ZNF112: variants seen among roughly 807,000 people sequenced by gnomAD.
ZNF112 encodes the protein zinc finger protein 112 (Y14).
A neutral mutation model predicts 77.7 loss-of-function variants in ZNF112; 37 were observed. The ratio of observed to expected loss-of-function variants is 0.48; its 90% CI spans 0.37 to 0.63. ZNF112 has a LOEUF of 0.63. Ranked by LOEUF, ZNF112 falls within the 20% of genes least tolerant of loss-of-function variation. The pLI, the probability that ZNF112 is intolerant of heterozygous loss-of-function variation, is 0.00. For synonymous variants in ZNF112, 333 were observed against 363.6 expected (o/e 0.92, Z 0.96); for missense variants, 950 against 1,077.4 (o/e 0.88, Z 1.66).
intron 2 of ZNF112, among the ~76,000 whole-genome samples, chr19:44,337,983 A>T (rs1970419309): frequency 6.6e-6 from 1 of 151,410 alleles, no homozygotes; most frequent in Non-Finnish European, 1.5e-5. Context: ...AGTTAAAAAA[A>T]AAAAAAAAAA....
chr19:44,352,826 T>G (rs1487752536), intron 1 of ZNF112, among the ~76,000 whole-genome samples: 1 of 152,016 alleles, frequency 6.6e-6, no homozygotes, highest in Admixed American at 6.6e-5. Flanking sequence ...CAGAAAATCA[T>G]GAAACACTAA....
At chr19:44,358,866 C>T (rs10418148), upstream of ZNF112, among the ~76,000 whole-genome samples, 13,171 of 152,086 alleles carry the variant, frequency 0.087, 729 homozygotes, top group Admixed American at 0.15. Flanking sequence ...TTCCCGACCT[C>T]CACACCCCCA....
At position 44,329,698 on chromosome 19, in the gene ZNF112, G is replaced by C. The variant is rs4280359; in HGVS notation, c.459C>G (p.Phe153Leu). The C allele has an allele frequency of 0.7, 1,126,678 of 1,613,862 alleles. 395,408 individuals carry two copies. The highest frequency in any genetic ancestry group is 0.84 in the African/African-American group (62,876 of 74,984). ...VQISEDKNYI[F>L]THIGNGSNYI... Reference sequence around the variant, plus strand: ...AATTGGAGCCATTCCCTATATGAGTGAATATATAGTTCTTATCTTCAGAAA... The same window carrying C: ...AATTGGAGCCATTCCCTATATGAGTCAATATATAGTTCTTATCTTCAGAAA... The change falls in exon 4 of 4, where the codon TTC becomes TTG. Residue 153 changes from phenylalanine to leucine, a missense_variant. This residue lies in a region of ZNF112 where 560 missense variants were observed against 557.3 expected (regional missense o/e 1.00). Coordinates refer to ENST00000354340, the MANE Select transcript of ZNF112 (RefSeq NM_013380.4).
chr19:44,341,050 T>G, intron 1 of ZNF112: 1 of 440,396 alleles, frequency 2.3e-6, no homozygotes, highest in Non-Finnish European at 4.5e-6. Context: ...CTCTGCCCAA[T>G]GCTAGCTCTA....
At chr19:44,355,645 C>T (rs1244854019) in intron 1 of ZNF112, among the ~76,000 whole-genome samples, 4 of 152,164 alleles carry the variant, frequency 2.6e-5, no homozygotes, top group African/African-American at 9.7e-5. Flanking sequence ...GTTTGCTTAT[C>T]TTTAAAATGG....
chr19:44,327,306 T>TTG lies in ZNF112; in HGVS notation c.*125_*126dup. The TTG allele has an allele frequency of 1.4e-6, 1 of 726,720 alleles. No homozygotes were observed. Among genetic ancestry groups the TTG allele is most frequent in the East Asian group, 2.7e-5 (1 of 36,938 alleles). The allele number at this position is 726,720 out of a possible 1,614,324, so 45.0% of individuals were successfully genotyped here. On this transcript the variant is annotated 3_prime_UTR_variant, in exon 4 of 4. Coordinates refer to ENST00000354340, the MANE Select transcript of ZNF112 (RefSeq NM_013380.4). The stretch of plus-strand genomic sequence containing the variant: ...AAACCCCTCTCATTAAATGTCTCTG[T>TTG]TGTGTGGTCTCCTGGCCATTATGAA...
chr19:44,340,458 G>GGACAGA lies in ZNF112; in HGVS notation c.81_82insTCTGTC (p.Tyr27_Arg28insSerVal), dbSNP rs1970469102. ...CTGAAGTTCTCCAGCATCACATCTC[G>GGACAGA]GTACAGCTTCCTCTGGACAGAGTCC... On this transcript the variant is annotated inframe_insertion, in exon 2 of 4. Transcript: ENST00000354340. The GGACAGA allele has an allele frequency of 6.2e-7, 1 of 1,613,892 alleles. No homozygotes were observed. Among genetic ancestry groups the GGACAGA allele is most frequent in the Non-Finnish European group, 8.5e-7 (1 of 1,179,960 alleles).
At chr19:44,361,970 A>C (rs1970858865) in intron 1 of ZNF112, among the ~76,000 whole-genome samples, 1 of 152,206 alleles carries the variant, frequency 6.6e-6, no homozygotes, top group Non-Finnish European at 1.5e-5. Context: ...TCTATTTTAA[A>C]AAATCAATGA....
At position 44,327,386 on chromosome 19, in the gene ZNF112, T is replaced by C. The variant is rs140283848; in HGVS notation, c.*47A>G. On this transcript the variant is annotated 3_prime_UTR_variant, in exon 4 of 4. Coordinates refer to ENST00000354340, the MANE Select transcript of ZNF112 (RefSeq NM_013380.4). The stretch of plus-strand genomic sequence containing the variant: ...TAATTTTTAAAAATTCTTTTTCTAC[T>C]GAAAGAACTCTAGTGACTGGAAAAT... The C allele has an allele frequency of 1.2e-5, 17 of 1,467,576 alleles. No individual in the cohort carries two copies. The highest frequency in any genetic ancestry group is 1.5e-5 in the Non-Finnish European group (16 of 1,092,130). The allele number at this position is 1,467,576 out of a possible 1,614,324, so 90.9% of individuals were successfully genotyped here. A position where few individuals can be genotyped will look rare whatever the true frequency, so the allele number is the denominator to read the frequency against.
Position 44,328,887 on chromosome 19 carries a change from G to T in ZNF112, c.1270C>A (p.Leu424Ile). The T allele has an allele frequency of 6.2e-7, 1 of 1,613,962 alleles. No homozygotes were observed. Among genetic ancestry groups the T allele is most frequent in the Non-Finnish European group, 8.5e-7 (1 of 1,179,968 alleles). ...ATATGAACCCTATGCTGAATGTCAA[G>T]ATTTGAACTACAAATGAAACTCTTT... is the stretch of plus-strand genomic sequence containing the variant. ...YGKSFICSSN[L>I]DIQHRVHMEE... Residue 424 changes from leucine to isoleucine, a missense_variant, in exon 4 of 4, where the codon CTT becomes ATT. Around this residue, in one of 3 missense-constraint regions of ZNF112, gnomAD observed 560 missense variants for 557.3 expected, o/e 1.00. Coordinates refer to ENST00000354340, the MANE Select transcript of ZNF112 (RefSeq NM_013380.4).
chr19:44,326,792 G>C lies in ZNF112; in HGVS notation c.*641C>G, dbSNP rs1041071708. The C allele has an allele frequency of 1.3e-5, 2 of 152,228 alleles. No individual in the cohort carries two copies. Among genetic ancestry groups the C allele is most frequent in the African/African-American group, 2.4e-5 (1 of 41,412 alleles). 9.4% of individuals were successfully genotyped at this position (152,228 alleles called of 1,614,324 possible). On this transcript the variant is annotated 3_prime_UTR_variant, in exon 4 of 4. Coordinates refer to ENST00000354340, the MANE Select transcript of ZNF112 (RefSeq NM_013380.4). ...CACACAAAGCTAAACTTCAGCAGAT[G>C]GTATAATGTATAGAGACCAAACGTT... is the stretch of plus-strand genomic sequence containing the variant.
At chr19:44,363,662 T>G (rs938638145) in intron 1 of ZNF112, among the ~76,000 whole-genome samples, 1 of 152,232 alleles carries the variant, frequency 6.6e-6, no homozygotes, top group Non-Finnish European at 1.5e-5. Flanking sequence ...ATATAAGTCT[T>G]TGGAAACTTG....
At chr19:44,334,761 T>G (rs780717127) in intron 3 of ZNF112, among the ~76,000 whole-genome samples, 1 of 152,254 alleles carries the variant, frequency 6.6e-6, no homozygotes, top group Non-Finnish European at 1.5e-5. Flanking sequence ...GTTGGGCCTG[T>G]GGTGTGCAGA....
Position 44,328,395 on chromosome 19 carries a change from A to G in ZNF112, c.1762T>C (p.Ser588Pro). 1 of 1,613,814 alleles carries G rather than the reference A, an allele frequency of 6.2e-7. No individual in the cohort carries two copies. The highest frequency in any genetic ancestry group is 8.5e-7 in the Non-Finnish European group (1 of 1,179,948). ...EECGKGFSRN[S>P]YLQGHQRVHT... ...ACTCTCTGATGGCCTTGAAGGTATGAATTTCGACTGAACCCCTTCCCACAT... is the reference window on the plus strand; with the variant it reads ...ACTCTCTGATGGCCTTGAAGGTATGGATTTCGACTGAACCCCTTCCCACAT... Residue 588 changes from serine to proline, a missense_variant, in exon 4 of 4, where the codon TCA becomes CCA. Transcript: ENST00000354340.
chr19:44,359,437 C>A (rs1970833120), upstream of ZNF112, among the ~76,000 whole-genome samples: 1 of 149,396 alleles, frequency 6.7e-6, no homozygotes, highest in Admixed American at 6.7e-5. Context: ...AATTCTCCTG[C>A]CCCAGCCTCC....
Position 44,336,673 on chromosome 19 carries a change from T to A in ZNF112, c.170A>T (p.Glu57Val), listed in dbSNP as rs1970373600. The change falls in exon 3 of 4, where the codon GAA becomes GTA. Residue 57 changes from glutamate (E) to valine (V), a missense_variant. Physicochemically the swap from Glu to Val is moderately radical, Grantham distance 121 (BLOSUM62 -2). Coordinates refer to ENST00000354340, the MANE Select transcript of ZNF112 (RefSeq NM_013380.4). Reference sequence around the variant, plus strand: ...TGTCTCCACCATCAAAAGCTTTTCTTCTCTCTCCAGCTGGGATATTAGGTC... The same window carrying A: ...TGTCTCCACCATCAAAAGCTTTTCTACTCTCTCCAGCTGGGATATTAGGTC... ...KPDLISQLER[E>V]EKLLMVETET... is the part of the protein sequence containing the mutation. The A allele has an allele frequency of 6.2e-7, 1 of 1,613,896 alleles. No individual in the cohort carries two copies. Among genetic ancestry groups the A allele is most frequent in the Non-Finnish European group, 8.5e-7 (1 of 1,179,946 alleles).
chr19:44,361,511 T>A (rs1363593937), upstream of ZNF112, among the ~76,000 whole-genome samples: 1 of 152,156 alleles, frequency 6.6e-6, no homozygotes, highest in African/African-American at 2.4e-5. Context: ...TGGAATAACC[T>A]TAAATTCATA....
intron 1 of ZNF112, among the ~76,000 whole-genome samples, chr19:44,364,702 A>T (rs1970886030): frequency 6.6e-6 from 1 of 152,252 alleles, no homozygotes; most frequent in Non-Finnish European, 1.5e-5. Context: ...ACAGTATAAC[A>T]ACTATTTACA....
intron 1 of ZNF112, among the ~76,000 whole-genome samples, chr19:44,356,123 C>T (rs1230092660): frequency 6.6e-6 from 1 of 152,192 alleles, no homozygotes; most frequent in African/African-American, 2.4e-5. Context: ...GCTCTGACCC[C>T]ATCCTGGGTT....
Sources: gnomAD v4.1 joint callset for allele counts (sites outside exome capture counted in the v4.1 genomes callset) on GRCh38, gnomAD v4.1.1 for gene constraint, gnomAD v4.1.1 regional missense constraint, MANE v1.5 for transcripts, NCBI Gene and HGNC (gene_info 2026-07-23, HGNC 2026-07-21) for gene names.